The following BCL2L14 variants were observed in gnomAD, a reference collection of about 807,000 sequenced individuals.
The protein encoded by BCL2L14 is BCL2 like 14, also known as apoptosis facilitator Bcl-2-like protein 14.
Under a neutral mutation model 35.3 loss-of-function variants are expected in BCL2L14, and 27 were observed. The observed-to-expected ratio is 0.76, with a 90% CI of 0.56 to 1.05. The LOEUF is 1.05. Ranked by LOEUF, BCL2L14 falls within the 50% of genes least tolerant of loss-of-function variation. The pLI is 0.00. For synonymous variants in BCL2L14, 139 were observed against 145.9 expected (o/e 0.95, Z 0.34); for missense variants, 377 against 382.6 (o/e 0.99, Z 0.12).
chr12:12,085,083 CAAAAAAAAAAAA>C (rs11296787), intron 2 of BCL2L14, among the ~76,000 whole-genome samples: 2 of 85,480 alleles, frequency 2.3e-5, no homozygotes, highest in African/African-American at 9.2e-5. Context: ...GACTCCGTCT[CAAAAAAAAAAAA>C]AAAAAAAAAG....
rs1160564634 is a variant in BCL2L14 at position 12,090,868 on chromosome 12, T to G, written c.678+19T>G. The G allele has an allele frequency of 1.3e-6, 2 of 1,585,152 alleles. No homozygotes were observed. Among genetic ancestry groups the G allele is most frequent in the African/African-American group, 1.4e-5 (1 of 73,916 alleles). On this transcript the variant is annotated intron_variant, in intron 4 of 5. Transcript: ENST00000308721. The stretch of plus-strand genomic sequence containing the variant: ...AAGAAAGGTATGGAACACCTTGAAC[T>G]GATGCGATTGATTTCTGTGCCCATG...
intron 2 of BCL2L14, among the ~76,000 whole-genome samples, chr12:12,063,107 A>G (rs1249801453): frequency 1.3e-5 from 2 of 151,888 alleles, no homozygotes; most frequent in Non-Finnish European, 2.9e-5. Context: ...CTGTGCCCCA[A>G]AAAACTTGTC....
At chr12:12,096,784 T>C (rs1320761125) in intron 5 of BCL2L14, among the ~76,000 whole-genome samples, 1 of 152,172 alleles carries the variant, frequency 6.6e-6, no homozygotes, top group Non-Finnish European at 1.5e-5. Context: ...GCTGGTTGGA[T>C]TGTAAAATGG....
chr12:12,060,296 T>G (rs1325143760), intron 2 of BCL2L14, among the ~76,000 whole-genome samples: 8 of 107,078 alleles, frequency 7.5e-5, no homozygotes, highest in Non-Finnish European at 1.5e-4. Flanking sequence ...CAGATAGCGT[T>G]TAGGCTCTTT....
At chr12:12,083,819 G>A (rs4313664) in intron 2 of BCL2L14, among the ~76,000 whole-genome samples, 91,194 of 151,908 alleles carry the variant, frequency 0.6, 27,650 homozygotes, top group East Asian at 0.78. Context: ...GCCATGGTGC[G>A]CGCCTGCAGT....
intron 1 of BCL2L14, among the ~76,000 whole-genome samples, chr12:12,076,956 G>A (rs996632855): frequency 3.3e-5 from 5 of 152,148 alleles, no homozygotes; most frequent in Admixed American, 1.3e-4. Context: ...ACTTGCCCAA[G>A]GATGTTGCAG....
intron 2 of BCL2L14, 75 bp from the exon 3 acceptor site, chr12:12,087,138 C>A: frequency 6.7e-7 from 1 of 1,500,698 alleles, no homozygotes; most frequent in Non-Finnish European, 9.1e-7. Context: ...CTTTTCATTC[C>A]AGGCAACTTT....
rs144999124 is a variant in BCL2L14, at chr12:12,056,561, G to A, written c.-272+4714G>A. 1.7e-3 allele frequency among the ~76,000 whole-genome samples: 253 copies of A among 152,272 alleles called. 1 individual carries two copies. Among genetic ancestry groups the A allele is most frequent in the Admixed American group, 4.0e-3 (61 of 15,294 alleles). On this transcript the variant is annotated intron_variant, in intron 2 of 3. Transcript: ENST00000461264. ...ACACAGTTAATAGGCTGGGCACGGTGGCTCACGCTCACTCGTAATCCCAGC... is the reference window on the plus strand; with the variant it reads ...ACACAGTTAATAGGCTGGGCACGGTAGCTCACGCTCACTCGTAATCCCAGC...
chr12:12,078,674 CCTT>C (rs1948837622), intron 1 of BCL2L14, among the ~76,000 whole-genome samples: 1 of 152,214 alleles, frequency 6.6e-6, no homozygotes, highest in Non-Finnish European at 1.5e-5. Context: ...CTGTCTAACT[CCTT>C]CTAGCTTTCC....
At position 12,087,885 on chromosome 12, in the gene BCL2L14, C is replaced by A. The variant is rs925360974; in HGVS notation, c.607+499C>A. Among the ~76,000 whole-genome samples the A allele has an allele frequency of 5.3e-5, 8 of 152,284 alleles. No homozygotes were observed. The South Asian group carries it at 1.7e-3, about 32-fold the overall frequency. ...AGGCTGGGTCAGTTGTCACCCAAAC[C>A]ATAGCAATAGCTGAGACTGTAGATC... is the stretch of plus-strand genomic sequence containing the variant. On this transcript the variant is annotated intron_variant, in intron 3 of 5. Coordinates refer to ENST00000308721, the MANE Select transcript of BCL2L14 (RefSeq NM_138723.2).
intron 2 of BCL2L14, chr12:12,055,382 T>C (rs576938264): frequency 3.3e-5 from 5 of 152,322 alleles, no homozygotes; most frequent in African/African-American, 9.6e-5. Flanking sequence ...GATTCGTTTG[T>C]GCTGATCTAC....
At chr12:12,078,167 T>C (rs936194101) in intron 1 of BCL2L14, 2 of 167,414 alleles carry the variant, frequency 1.2e-5, no homozygotes, top group African/African-American at 2.4e-5. Context: ...CATCAGTGTG[T>C]TTCAAATTCG....
chr12:12,065,872 A>G (rs1229632676), intron 2 of BCL2L14, among the ~76,000 whole-genome samples: 2 of 151,486 alleles, frequency 1.3e-5, no homozygotes, highest in Admixed American at 6.6e-5. Flanking sequence ...GCTCACTGCA[A>G]CCTCTGCCAC....
At chr12:12,065,935 C>T (rs1424809695) in intron 2 of BCL2L14, among the ~76,000 whole-genome samples, 2 of 152,094 alleles carry the variant, frequency 1.3e-5, no homozygotes, top group African/African-American at 4.8e-5. Flanking sequence ...AGATTACAGG[C>T]ACCCACCACC....
Position 12,079,402 on chromosome 12 carries a change from CA to C in BCL2L14, c.98del (p.His33LeufsTer16). On this transcript the variant is annotated frameshift_variant, in exon 2 of 6. Transcript: ENST00000308721. LOFTEE classifies it high-confidence loss of function. Reference protein sequence around the residue: ...EFKILAYYTRHHVFKSTPALF... With the variant: ...EFKILAYYTRXHVFKSTPALF... The stretch of plus-strand genomic sequence containing the variant: ...CAAAATCCTCGCCTACTACACCAGA[CA>C]TCATGTCTTCAAGAGCACCCCTGCT... 16 of 1,614,196 alleles carry C rather than the reference CA, an allele frequency of 9.9e-6. No homozygotes were observed. The highest frequency in any genetic ancestry group is 1.4e-5 in the Non-Finnish European group (16 of 1,180,034).
intron 2 of BCL2L14, among the ~76,000 whole-genome samples, chr12:12,080,640 A>G (rs1159918542): frequency 4.7e-5 from 7 of 150,480 alleles, no homozygotes; most frequent in Non-Finnish European, 1.0e-4. Flanking sequence ...AAAAAAAAGA[A>G]CGAGCCCTAA....
intron 3 of BCL2L14, 104 bp from the exon 4 acceptor site, chr12:12,090,675 C>G: frequency 1.4e-6 from 1 of 728,100 alleles, no homozygotes; most frequent in Non-Finnish European, 2.2e-6. Flanking sequence ...TAGCATGCCT[C>G]TTCCTCCAGC....
chr12:12,095,990 G>T (rs974270106), intron 5 of BCL2L14: 7 of 985,228 alleles, frequency 7.1e-6, no homozygotes, highest in African/African-American at 1.7e-5. Context: ...AAGGAGGACA[G>T]GTTCCTCAAC....
chr12:12,050,686 G>C (rs1948339215), intron 1 of BCL2L14, among the ~76,000 whole-genome samples: 1 of 150,866 alleles, frequency 6.6e-6, no homozygotes, highest in East Asian at 1.9e-4. Flanking sequence ...TCGAGTCTAA[G>C]AGCCTATTTA....
Sources: gnomAD v4.1 joint callset for allele counts (sites outside exome capture counted in the v4.1 genomes callset) on GRCh38, gnomAD v4.1.1 for gene constraint, MANE v1.5 for transcripts, NCBI Gene and HGNC (gene_info 2026-07-23, HGNC 2026-07-21) for gene names.